The following BRSK2 variants were observed in gnomAD, a reference collection of about 807,000 sequenced individuals.
BRSK2 encodes BR serine/threonine kinase 2, also known as serine/threonine-protein kinase BRSK2.
Under a neutral mutation model 83.3 loss-of-function variants are expected in BRSK2, and 19 were observed. The observed-to-expected ratio is 0.23, with a 90% CI of 0.16 to 0.33. The LOEUF (loss-of-function observed/expected upper bound fraction) is 0.33. Among genes scored for constraint, BRSK2 ranks in the 10% least tolerant of loss-of-function variants. BRSK2 has a pLI of 1.00. For synonymous variants in BRSK2, 519 were observed against 435.4 expected, an observed-to-expected ratio of 1.19 and a Z score of -2.39; for missense variants, 798 against 1,042.3, an observed-to-expected ratio of 0.77 and a Z score of 3.23.
intron 1 of BRSK2, 113 bp from the exon 2 acceptor site, chr11:1,435,923 CGGGT>C (rs1424294215): frequency 1.4e-6 from 1 of 694,194 alleles, no homozygotes; most frequent in Non-Finnish European, 2.4e-6. Context: ...GGCCCTGGAG[CGGGT>C]GGGACCCCTG....
At chr11:1,391,981 G>A (rs567417295) in intron 1 of BRSK2, among the ~76,000 whole-genome samples, 2 of 152,296 alleles carry the variant, frequency 1.3e-5, no homozygotes, top group East Asian at 3.9e-4. Context: ...TGGGCTGTGT[G>A]TGTCTACAAC....
chr11:1,392,728 G>T (rs1845804815), intron 1 of BRSK2, among the ~76,000 whole-genome samples: 1 of 152,226 alleles, frequency 6.6e-6, no homozygotes, highest in Non-Finnish European at 1.5e-5. Context: ...GACGCCGCAG[G>T]GTCCGGTCGG....
intron 1 of BRSK2, among the ~76,000 whole-genome samples, chr11:1,428,885 G>A (rs1171547528): frequency 6.6e-6 from 1 of 151,500 alleles, no homozygotes; most frequent in African/African-American, 2.4e-5. Context: ...TGTGCACACG[G>A]GTTACTGGGG....
At position 1,449,694 on chromosome 11, in the gene BRSK2, T is replaced by G. The variant is rs186121397; in HGVS notation, c.1227-82T>G. Reference sequence around the variant, plus strand: ...CCGGGCTCCAGGCCTCCTGGAGGGTTTACCTGGGGGGAGCAGAGCCCAGCA... The same window carrying G: ...CCGGGCTCCAGGCCTCCTGGAGGGTGTACCTGGGGGGAGCAGAGCCCAGCA... On this transcript the variant is annotated intron_variant, in intron 12 of 19. Transcript: ENST00000528841. 6.3e-3 allele frequency: 8,107 copies of G among 1,277,930 alleles called. 42 individuals are homozygous for G. Among genetic ancestry groups the G allele is most frequent in the Non-Finnish European group, 7.5e-3 (6,728 of 901,388 alleles). 79.2% of individuals were successfully genotyped at this position (1,277,930 alleles called of 1,614,324 possible).
chr11:1,456,809 C>G (rs1400510590), intron 18 of BRSK2, 122 bp downstream of exon 18: 1 of 1,312,304 alleles, frequency 7.6e-7, no homozygotes, highest in Non-Finnish European at 1.0e-6. Context: ...GACGGACGCC[C>G]CCACCTCCCT....
chr11:1,402,079 AC>A (rs1846516089), intron 1 of BRSK2, among the ~76,000 whole-genome samples: 1 of 152,164 alleles, frequency 6.6e-6, no homozygotes. Flanking sequence ...TCTTTAACTT[AC>A]AGGGGAGAGG....
At chr11:1,433,772 A>T (rs1425491497) in intron 1 of BRSK2, among the ~76,000 whole-genome samples, 1 of 152,234 alleles carries the variant, frequency 6.6e-6, no homozygotes, top group Non-Finnish European at 1.5e-5. Context: ...AAAGGCCTTC[A>T]GGGAGAAGCA....
At chr11:1,457,591 A>G (rs906658373) in intron 18 of BRSK2, among the ~76,000 whole-genome samples, 18 of 152,252 alleles carry the variant, frequency 1.2e-4, no homozygotes, top group Admixed American at 2.6e-4. Context: ...TGTGCCTCTG[A>G]ACGCTGGTAC....
At position 1,423,911 on chromosome 11, in the gene BRSK2, G is replaced by A. The variant is rs570385560; in HGVS notation, c.92-12129G>A. ...CATCTTGCTTTCACCCTCACGTGGC[G>A]CCCCCATCCCACCCCGTGTGTCCCC... On this transcript the variant is annotated intron_variant, in intron 1 of 19. Transcript: ENST00000528841. The surrounding 1 kb of genome is among the most constrained non-coding windows in gnomAD (Gnocchi z 6.5). 1.5e-4 allele frequency among the ~76,000 whole-genome samples: 22 copies of A among 151,414 alleles called. No individual in the cohort carries two copies. In the South Asian group the frequency reaches 2.9e-3, roughly 20 times the overall value.
chr11:1,421,455 G>A (rs1848620179), intron 1 of BRSK2, among the ~76,000 whole-genome samples: 1 of 152,202 alleles, frequency 6.6e-6, no homozygotes, highest in Non-Finnish European at 1.5e-5. Context: ...TTGGGTGCTG[G>A]GTTAGGAGGC....
At chr11:1,421,402 C>T (rs1341779009) in intron 1 of BRSK2, among the ~76,000 whole-genome samples, 1 of 152,176 alleles carries the variant, frequency 6.6e-6, no homozygotes, top group Non-Finnish European at 1.5e-5. Context: ...CTGCTTCCTC[C>T]TCCACAATCT....
chr11:1,458,870 G>C (rs1218709174), intron 18 of BRSK2, among the ~76,000 whole-genome samples: 40 of 152,300 alleles, frequency 2.6e-4, no homozygotes, highest in East Asian at 1.9e-4. Context: ...TGTCAGCCCA[G>C]GGGAGGGGCT....
In BRSK2 at chr11:1,460,808, C is replaced by G; in HGVS notation, c.*85C>G. ...CGCCCTGCCCCGAGTGGACCCGCGG[C>G]CGCGCCGCCCGTCCGTCCAGACTGT... On this transcript the variant is annotated 3_prime_UTR_variant, in exon 20 of 20. Coordinates refer to ENST00000528841, the MANE Select transcript of BRSK2 (RefSeq NM_001256627.2). 1 of 1,470,958 alleles carries G rather than the reference C, an allele frequency of 6.8e-7. No homozygotes were observed. The highest frequency in any genetic ancestry group is 8.9e-7 in the Non-Finnish European group (1 of 1,119,546). The allele number at this position is 1,470,958 out of a possible 1,614,324, so 91.1% of individuals were successfully genotyped here. A position where few individuals can be genotyped will look rare whatever the true frequency, so the allele number is the denominator to read the frequency against.
intron 1 of BRSK2, chr11:1,411,496 C>A (rs776463355): frequency 1.3e-6 from 2 of 1,489,878 alleles, no homozygotes; most frequent in Admixed American, 2.2e-5. Context: ...GAGCCCAGGT[C>A]TGGCCCAGCG....
At chr11:1,457,718 G>T (rs1433591697) in intron 18 of BRSK2, among the ~76,000 whole-genome samples, 1 of 152,118 alleles carries the variant, frequency 6.6e-6, no homozygotes, top group Non-Finnish European at 1.5e-5. Context: ...GTGTTTCCAT[G>T]TGGGGTCCTG....
intron 1 of BRSK2, among the ~76,000 whole-genome samples, chr11:1,395,481 G>A (rs1029969448): frequency 1.3e-5 from 2 of 152,172 alleles, no homozygotes; most frequent in Non-Finnish European, 2.9e-5. Flanking sequence ...CTGAGAGCTG[G>A]CCTTGAGTGT....
intron 1 of BRSK2, among the ~76,000 whole-genome samples, chr11:1,404,231 C>T (rs80217032): frequency 4.6e-5 from 7 of 152,294 alleles, no homozygotes; most frequent in South Asian, 2.1e-4. Flanking sequence ...AATCTGGGTG[C>T]GCGGAGCTGT....
Position 1,453,489 on chromosome 11 carries a change from G to A in BRSK2, c.1545-996G>A, listed in dbSNP as rs553849549. Among the ~76,000 whole-genome samples the A allele has an allele frequency of 1.9e-3, 293 of 152,382 alleles. 1 individual carries two copies. Among genetic ancestry groups the A allele is most frequent in the Non-Finnish European group, 3.5e-3 (235 of 68,048 alleles). ...AGGCCCTGGCATGGGGCTGGGGTAAGGTCAGGGCCAGTGGTGGCCCTCGGA... is the reference window on the plus strand; with the variant it reads ...AGGCCCTGGCATGGGGCTGGGGTAAAGTCAGGGCCAGTGGTGGCCCTCGGA... On this transcript the variant is annotated intron_variant, in intron 15 of 19. Coordinates refer to ENST00000528841, the MANE Select transcript of BRSK2 (RefSeq NM_001256627.2).
chr11:1,391,764 T>C (rs572296613), intron 1 of BRSK2, among the ~76,000 whole-genome samples: 5 of 152,282 alleles, frequency 3.3e-5, no homozygotes, highest in African/African-American at 9.6e-5. Flanking sequence ...GGCAGCAGGA[T>C]GCAGGAGTCA....
Sources: gnomAD v4.1 joint callset for allele counts (sites outside exome capture counted in the v4.1 genomes callset) on GRCh38, gnomAD v4.1.1 for gene constraint, Gnocchi (gnomAD v3.1) non-coding constraint, MANE v1.5 for transcripts, NCBI Gene and HGNC (gene_info 2026-07-23, HGNC 2026-07-21) for gene names.